ZNF700: variants seen among roughly 807,000 people sequenced by gnomAD.
ZNF700 encodes zinc finger protein 700.
ZNF700 carries 38 observed loss-of-function variants against 65.3 expected under a neutral mutation model. That is an observed-to-expected ratio of 0.58 (90% CI 0.45 to 0.76). ZNF700 has a LOEUF of 0.76. Among genes scored for constraint, ZNF700 ranks in the 30% least tolerant of loss-of-function variants. The probability of loss-of-function intolerance (pLI) is 0.00; values close to 1 mark genes in which losing one functional copy is unlikely to be tolerated. For synonymous variants in ZNF700, 285 were observed against 290.4 expected (o/e 0.98, Z 0.19); for missense variants, 857 against 888.4 (o/e 0.96, Z 0.45).
At chr19:11,946,932 G>A in intron 1 of ZNF700, 7 of 642,162 alleles carry the variant, frequency 1.1e-5, no homozygotes, top group Non-Finnish European at 1.1e-5. Flanking sequence ...CCCCGGTGGT[G>A]AGCCAATATC....
chr19:11,943,107 T>C (rs555979662), intron 1 of ZNF700, among the ~76,000 whole-genome samples: 23 of 151,504 alleles, frequency 1.5e-4, no homozygotes, highest in Non-Finnish European at 3.2e-4. Context: ...AGCAGGTTTC[T>C]ATTATTATTA....
intron 1 of ZNF700, among the ~76,000 whole-genome samples, chr19:11,925,986 G>A (rs1972621395): frequency 6.6e-6 from 1 of 152,174 alleles, no homozygotes; most frequent in East Asian, 1.9e-4. Flanking sequence ...GGTGGGACCT[G>A]TGGAAGGGGG....
chr19:11,938,548 T>C (rs1972832607), intron 1 of ZNF700, among the ~76,000 whole-genome samples: 2 of 152,212 alleles, frequency 1.3e-5, no homozygotes, highest in Admixed American at 1.3e-4. Context: ...TCCATGTCCC[T>C]ACAAAGGACA....
At chr19:11,934,988 T>G (rs1001338425) in intron 1 of ZNF700, among the ~76,000 whole-genome samples, 1 of 146,398 alleles carries the variant, frequency 6.8e-6, no homozygotes, top group Non-Finnish European at 1.5e-5. Flanking sequence ...CCATCCTGGC[T>G]AACACTGTGA....
Position 11,948,317 on chromosome 19 carries a change from G to T in ZNF700, c.293G>T (p.Ser98Ile). 1 of 1,613,814 alleles carries T rather than the reference G, an allele frequency of 6.2e-7. No homozygotes were observed. Among genetic ancestry groups the T allele is most frequent in the Non-Finnish European group, 8.5e-7 (1 of 1,179,838 alleles). ...EEKVNEIKED[S>I]HCGETFTQVP... The stretch of plus-strand genomic sequence containing the variant: ...AAAGTCAATGAAATTAAAGAAGACA[G>T]TCATTGTGGAGAAACTTTTACCCAG... The change falls in exon 4 of 4, where the codon AGT becomes ATT. Residue 98 changes from serine to isoleucine, a missense_variant. By Grantham distance (142) the Ser-to-Ile change is moderately radical (BLOSUM62 -2). This residue lies in a region of ZNF700 where 603 missense variants were observed against 619.9 expected (regional missense o/e 0.97). Transcript: ENST00000254321.
At chr19:11,939,402 A>G (rs933403699) in intron 1 of ZNF700, among the ~76,000 whole-genome samples, 7 of 152,164 alleles carry the variant, frequency 4.6e-5, no homozygotes, top group Non-Finnish European at 7.3e-5. Context: ...TAATTTTTGT[A>G]TAAGGCGTAA....
Position 11,937,329 on chromosome 19 carries a change from C to T in ZNF700, c.64-9852C>T, listed in dbSNP as rs890072502. On this transcript the variant is annotated intron_variant, in intron 1 of 3. Coordinates refer to ENST00000254321, the MANE Select transcript of ZNF700 (RefSeq NM_144566.3). ...TGTTTCAGTACCATTTGTTGTATGC[C>T]ACCATGTCTAATTATTTATTTATTT... 2.6e-5 allele frequency among the ~76,000 whole-genome samples: 4 copies of T among 152,014 alleles called. No individual in the cohort carries two copies. In the East Asian group the frequency reaches 7.7e-4, roughly 29 times the overall value.
chr19:11,939,572 TC>T (rs1297063687), intron 1 of ZNF700, among the ~76,000 whole-genome samples: 1 of 152,216 alleles, frequency 6.6e-6, no homozygotes, highest in Admixed American at 6.5e-5. Flanking sequence ...TCTGTTCTGT[TC>T]CATTGGTCTA....
chr19:11,948,009 CAAAAG>C (rs1442546236), intron 3 of ZNF700, among the ~76,000 whole-genome samples: 3 of 152,018 alleles, frequency 2.0e-5, no homozygotes, highest in Admixed American at 6.6e-5. Context: ...GAACTGGACT[CAAAAG>C]AAAAATGACA....
intron 1 of ZNF700, among the ~76,000 whole-genome samples, chr19:11,926,086 A>G (rs756253040): frequency 6.6e-6 from 1 of 152,072 alleles, no homozygotes; most frequent in Non-Finnish European, 1.5e-5. Context: ...GGTAGGAAGG[A>G]AGGGGGTCTG....
chr19:11,930,909 G>A (rs1281830073), intron 1 of ZNF700, among the ~76,000 whole-genome samples: 1 of 146,554 alleles, frequency 6.8e-6, no homozygotes, highest in Non-Finnish European at 1.5e-5. Flanking sequence ...TGAGGCAGGA[G>A]AATCACTTGA....
Position 11,925,116 on chromosome 19 carries a change from C to T in ZNF700, c.-95C>T, listed in dbSNP as rs1972602359. ...TGGAGGGGGTCGCTTTCCTCACCTT[C>T]CTCGCTGCGCGGGCGGCGGTTGGTA... On this transcript the variant is annotated 5_prime_UTR_variant, in exon 1 of 4. Transcript: ENST00000254321. 2.0e-6 allele frequency: 3 copies of T among 1,484,382 alleles called. No individual in the cohort carries two copies. The highest frequency in any genetic ancestry group is 2.8e-6 in the Non-Finnish European group (3 of 1,079,594). The allele number at this position is 1,484,382 out of a possible 1,614,324, so 92.0% of individuals were successfully genotyped here. A position where few individuals can be genotyped will look rare whatever the true frequency, so the allele number is the denominator to read the frequency against.
chr19:11,930,713 T>C (rs1400591945), intron 1 of ZNF700, among the ~76,000 whole-genome samples: 2 of 148,152 alleles, frequency 1.3e-5, no homozygotes, highest in Admixed American at 6.6e-5. Flanking sequence ...CTTAAATAGA[T>C]GCCCAGACTG....
intron 1 of ZNF700, among the ~76,000 whole-genome samples, chr19:11,930,051 G>A (rs1412492203): frequency 6.8e-6 from 1 of 148,022 alleles, no homozygotes; most frequent in East Asian, 1.9e-4. Flanking sequence ...TCTCTTGGAG[G>A]GTCTAGTGGG....
rs746469523 is a variant in ZNF700 at position 11,948,693 on chromosome 19, A to G, written c.669A>G (p.Lys223=). Residue 223 remains lysine (K), a synonymous_variant, in exon 4 of 4, where the codon AAA becomes AAG. Coordinates refer to ENST00000254321, the MANE Select transcript of ZNF700 (RefSeq NM_144566.3). ...TGCACAGTGGGGATGGAACTTATAA[A>G]TGTAAATTTTGTGGGAAAGCCTTCC... The part of the protein sequence containing the change: ...MVMHSGDGTY[K]CKFCGKAFHS... The G allele has an allele frequency of 8.7e-6, 14 of 1,612,142 alleles. No individual in the cohort carries two copies. Among genetic ancestry groups the G allele is most frequent in the Non-Finnish European group, 1.2e-5 (14 of 1,179,624 alleles).
intron 1 of ZNF700, among the ~76,000 whole-genome samples, chr19:11,927,818 T>G (rs1048853726): frequency 1.3e-5 from 2 of 152,174 alleles, no homozygotes; most frequent in African/African-American, 4.8e-5. Flanking sequence ...GGGAAACATT[T>G]TGTGATCATG....
chr19:11,925,294 G>A, intron 1 of ZNF700, 21 bp downstream of exon 1: 1 of 1,610,374 alleles, frequency 6.2e-7, no homozygotes, highest in Non-Finnish European at 8.5e-7. Flanking sequence ...GGGACCAGAT[G>A]TCGTGAGACG....
At chr19:11,936,011 T>A (rs1199475985) in intron 1 of ZNF700, among the ~76,000 whole-genome samples, 1 of 152,166 alleles carries the variant, frequency 6.6e-6, no homozygotes, top group Non-Finnish European at 1.5e-5. Flanking sequence ...TCCAGTTTCA[T>A]CCATGTCCCT....
At chr19:11,933,971 C>T (rs927978062) in intron 1 of ZNF700, among the ~76,000 whole-genome samples, 6 of 147,832 alleles carry the variant, frequency 4.1e-5, no homozygotes, top group African/African-American at 8.0e-5. Context: ...CCATCATGTC[C>T]GGCCACTCAT....
Sources: allele counts gnomAD v4.1 joint callset (sites outside exome capture counted in the v4.1 genomes callset), GRCh38; gene constraint gnomAD v4.1.1; regional missense constraint gnomAD v4.1.1; transcripts MANE v1.5; gene names NCBI Gene and HGNC (gene_info 2026-07-23, HGNC 2026-07-21).